The following RBFOX3 variants were observed in gnomAD, a reference collection of about 807,000 sequenced individuals.
RBFOX3 encodes RNA binding fox-1 homolog 3, also known as RNA binding protein fox-1 homolog 3.
In RBFOX3, 17 loss-of-function variants were observed where a neutral mutation model predicts 48.7. The observed-to-expected ratio is 0.35, with a 90% CI of 0.24 to 0.52. The LOEUF is 0.52. Ranked by LOEUF, RBFOX3 falls within the 20% of genes least tolerant of loss-of-function variation. The probability of loss-of-function intolerance (pLI) is 0.94; values close to 1 mark genes in which losing one functional copy is unlikely to be tolerated. For synonymous variants in RBFOX3, 212 were observed against 209.5 expected (o/e 1.01, Z -0.10); for missense variants, 382 against 497.5 (o/e 0.77, Z 2.21).
At chr17:79,594,041 G>A (rs1475716720) in intron 1 of RBFOX3, among the ~76,000 whole-genome samples, 1 of 152,076 alleles carries the variant, frequency 6.6e-6, no homozygotes, top group Admixed American at 6.5e-5. Flanking sequence ...CGCAATTGAG[G>A]AAAATGAACC....
rs758656116 is a variant in RBFOX3, at chr17:79,097,348, G to A, written c.699C>T (p.Ala233=). The A allele has an allele frequency of 7.9e-5, 123 of 1,548,634 alleles. No individual in the cohort carries two copies. The Middle Eastern group carries it at 8.5e-4, about 11-fold the overall frequency. The change falls in exon 11 of 15, where the codon GCC becomes GCT. Residue 233 remains alanine, a synonymous_variant. Transcript: ENST00000693108. The part of the protein sequence containing the change: ...RGAHLRGRGR[A]VYNTFRAAPP... ...GCGCAGCCCGAAATGTATTATACACGGCCCGGCCCCGGCCCCGAAGATGTG... is the reference window on the plus strand; with the variant it reads ...GCGCAGCCCGAAATGTATTATACACAGCCCGGCCCCGGCCCCGAAGATGTG...
chr17:79,194,037 G>A (rs1403859554), intron 4 of RBFOX3, among the ~76,000 whole-genome samples: 6 of 152,190 alleles, frequency 3.9e-5, no homozygotes, highest in Admixed American at 2.0e-4. Context: ...AGGCAGCACC[G>A]AAACCCTGAT....
At chr17:79,258,379 C>T (rs1001790718) in intron 3 of RBFOX3, among the ~76,000 whole-genome samples, 3 of 152,220 alleles carry the variant, frequency 2.0e-5, no homozygotes, top group Non-Finnish European at 2.9e-5. Flanking sequence ...GAGGTGAAAG[C>T]AGAGGATAAC....
intron 3 of RBFOX3, among the ~76,000 whole-genome samples, chr17:79,300,064 C>A (rs2075070216): frequency 6.6e-6 from 1 of 152,146 alleles, no homozygotes; most frequent in South Asian, 2.1e-4. Flanking sequence ...GCCAGCACAC[C>A]CCCTAACTTT....
At chr17:79,648,699 G>A in the RBFOX3 span, among the ~76,000 whole-genome samples, 11 of 152,190 alleles carry the variant, frequency 7.2e-5, no homozygotes, top group Non-Finnish European at 8.8e-5. Flanking sequence ...GTATGGAAGC[G>A]GTTACATAAC....
At chr17:79,223,212 A>G (rs965707788) in intron 4 of RBFOX3, among the ~76,000 whole-genome samples, 2 of 152,196 alleles carry the variant, frequency 1.3e-5, no homozygotes, top group African/African-American at 4.8e-5. Flanking sequence ...CAGCACACAC[A>G]GTTGCCTGTG....
intron 2 of RBFOX3, among the ~76,000 whole-genome samples, chr17:79,399,117 A>G (rs774935381): frequency 3.3e-5 from 5 of 152,100 alleles, no homozygotes; most frequent in South Asian, 2.1e-4. Flanking sequence ...GAGGCTAAGA[A>G]GCCGTGGGGA....
chr17:79,344,007 A>T (rs1407542224), intron 2 of RBFOX3, among the ~76,000 whole-genome samples: 2 of 152,216 alleles, frequency 1.3e-5, no homozygotes, highest in Non-Finnish European at 2.9e-5. Context: ...TGCCAGGAAG[A>T]TGCCACTGAT....
intron 14 of RBFOX3, 66 bp downstream of exon 14, chr17:79,094,385 G>A (rs933949630): frequency 3.3e-6 from 4 of 1,223,130 alleles, no homozygotes; most frequent in Admixed American, 2.8e-5. Context: ...CTCCCCCAAG[G>A]GCCTCACCAC....
At chr17:79,607,437 C>T (rs2093858619) in intron 1 of RBFOX3, among the ~76,000 whole-genome samples, 1 of 152,100 alleles carries the variant, frequency 6.6e-6, no homozygotes, top group Non-Finnish European at 1.5e-5. Context: ...CCTGCAAGGG[C>T]TGAAAAATAA....
At chr17:79,620,071 ACACATGCACACAAG>A in the RBFOX3 span, among the ~76,000 whole-genome samples, 12 of 150,288 alleles carry the variant, frequency 8.0e-5, no homozygotes, top group East Asian at 2.0e-4. Context: ...ATGTACATGC[ACACATGCACACAAG>A]CACATGCACA....
At chr17:79,628,912 C>T in the RBFOX3 span, among the ~76,000 whole-genome samples, 26 of 152,348 alleles carry the variant, frequency 1.7e-4, no homozygotes, top group Admixed American at 6.5e-4. Context: ...CCAAGCAACA[C>T]GAGGGGGCAT....
rs976750017 is a variant in RBFOX3 at position 79,390,121 on chromosome 17, G to A, written c.-174-82297C>T. On this transcript the variant is annotated intron_variant, in intron 2 of 14. Coordinates refer to ENST00000693108, the MANE Select transcript of RBFOX3 (RefSeq NM_001350451.2). The surrounding 1 kb of genome is among the most constrained non-coding windows in gnomAD (Gnocchi z 4.2). Reference sequence around the variant, plus strand: ...GGTCTCCGTAGCCAGCCACCCGGCCGAGGGGCTGGGTCCACAGAGGAGGAC... The same window carrying A: ...GGTCTCCGTAGCCAGCCACCCGGCCAAGGGGCTGGGTCCACAGAGGAGGAC... Among the ~76,000 whole-genome samples the A allele has an allele frequency of 6.6e-6, 1 of 152,124 alleles. No individual in the cohort carries two copies. The highest frequency in any genetic ancestry group is 1.5e-5 in the Non-Finnish European group (1 of 68,014).
intron 3 of RBFOX3, among the ~76,000 whole-genome samples, chr17:79,257,603 CAG>C (rs775205199): frequency 1.5e-4 from 23 of 152,236 alleles, no homozygotes; most frequent in Admixed American, 1.4e-3. Flanking sequence ...CCCTCTGAGA[CAG>C]AGTCTTGCTC....
At chr17:79,237,119 C>T (rs1482130812) in intron 3 of RBFOX3, among the ~76,000 whole-genome samples, 1 of 152,204 alleles carries the variant, frequency 6.6e-6, no homozygotes, top group African/African-American at 2.4e-5. Flanking sequence ...TAAGATGCCA[C>T]TCCCTGCCCC....
intron 1 of RBFOX3, among the ~76,000 whole-genome samples, chr17:79,597,405 A>C (rs1367245556): frequency 1.3e-5 from 2 of 152,100 alleles, no homozygotes; most frequent in African/African-American, 4.8e-5. Flanking sequence ...GCCCCCACCC[A>C]GGGCAGAAAG....
rs1344864485 is a variant in RBFOX3, at chr17:79,443,337, C to T, written c.-175+39117G>A. 6.6e-6 allele frequency among the ~76,000 whole-genome samples: 1 copy of T among 152,228 alleles called. No homozygotes were observed. Among genetic ancestry groups the T allele is most frequent in the African/African-American group, 2.4e-5 (1 of 41,468 alleles). ...TGCCAAACACACACTCACATAAATG[C>T]AGTCATGCTTAGACACACACAAATG... is the stretch of plus-strand genomic sequence containing the variant. On this transcript the variant is annotated intron_variant, in intron 2 of 14. Coordinates refer to ENST00000693108, the MANE Select transcript of RBFOX3 (RefSeq NM_001350451.2). The surrounding 1 kb of genome is among the most constrained non-coding windows in gnomAD (Gnocchi z 4.4).
chr17:79,637,094 A>C, the RBFOX3 span, among the ~76,000 whole-genome samples: 7,470 of 152,286 alleles, frequency 0.049, 474 homozygotes, highest in Admixed American at 0.13. Flanking sequence ...TCATTTCTAC[A>C]AGAGATATAA....
intron 2 of RBFOX3, among the ~76,000 whole-genome samples, chr17:79,472,927 G>A (rs1782707028): frequency 1.3e-5 from 2 of 152,106 alleles, no homozygotes; most frequent in South Asian, 4.1e-4. Flanking sequence ...TGTTTTTTGA[G>A]ACAGGGTCTC....
Sources: gnomAD v4.1 joint callset for allele counts (sites outside exome capture counted in the v4.1 genomes callset) on GRCh38, gnomAD v4.1.1 for gene constraint, Gnocchi (gnomAD v3.1) non-coding constraint, MANE v1.5 for transcripts, NCBI Gene and HGNC (gene_info 2026-07-23, HGNC 2026-07-21) for gene names.